Variants in CNNM4 observed in about 807,000 individuals in gnomAD.
The protein encoded by CNNM4 is cyclin and CBS domain divalent metal cation transport mediator 4, also known as metal transporter CNNM4.
In CNNM4, 32 loss-of-function variants were observed where a neutral mutation model predicts 53.7. That is an observed-to-expected ratio of 0.60 (90% confidence interval 0.45 to 0.80). CNNM4 has a LOEUF of 0.80. Ranked by LOEUF, CNNM4 falls within the 30% of genes least tolerant of loss-of-function variation. The probability of loss-of-function intolerance (pLI) is 0.00; values close to 1 mark genes in which losing one functional copy is unlikely to be tolerated. For missense variants in CNNM4, 784 were observed against 1,022.0 expected, an observed-to-expected ratio of 0.77 and a Z score of 3.17; for synonymous variants, 410 against 440.0, an observed-to-expected ratio of 0.93 and a Z score of 0.85.
chr2:96,787,493 ATC>A (rs1273547920), intron 1 of CNNM4, among the ~76,000 whole-genome samples: 3 of 152,104 alleles, frequency 2.0e-5, no homozygotes, highest in Non-Finnish European at 2.9e-5. Flanking sequence ...TCATTGAATA[ATC>A]TCTCTTTTCT....
Position 96,809,633 on chromosome 2 carries a change from C to A in CNNM4, c.*116C>A. On this transcript the variant is annotated 3_prime_UTR_variant, in exon 7 of 7. Coordinates refer to ENST00000377075, the MANE Select transcript of CNNM4 (RefSeq NM_020184.4). ...CGGATAGATAGCCTGTCTGACTGAA[C>A]AGCCAGATGGCCCCCAGCCTATGGG... 1.1e-6 allele frequency: 1 copy of A among 923,758 alleles called. No individual in the cohort carries two copies. Among genetic ancestry groups the A allele is most frequent in the Non-Finnish European group, 1.7e-6 (1 of 597,828 alleles). The allele number at this position is 923,758 out of a possible 1,614,324, so 57.2% of individuals were successfully genotyped here.
chr2:96,795,887 A>G (rs568633413), intron 1 of CNNM4, among the ~76,000 whole-genome samples: 2 of 152,208 alleles, frequency 1.3e-5, no homozygotes, highest in Non-Finnish European at 2.9e-5. Flanking sequence ...CTGGGGCCAT[A>G]AGAACAGGGT....
At position 96,799,598 on chromosome 2, in the gene CNNM4, C is replaced by T. The variant is rs765600437; in HGVS notation, c.1898C>T (p.Thr633Met). The T allele has an allele frequency of 1.5e-5, 23 of 1,554,686 alleles. No homozygotes were observed. Among genetic ancestry groups the T allele is most frequent in the East Asian group, 4.9e-5 (2 of 41,188 alleles). The change falls in exon 5 of 7, where the codon ACG becomes ATG. Residue 633 changes from threonine to methionine, a missense_variant. Thr to Met is a moderately conservative substitution (Grantham distance 81). This residue lies in a region of CNNM4 where 307 missense variants were observed against 376.3 expected (regional missense o/e 0.82). Coordinates refer to ENST00000377075, the MANE Select transcript of CNNM4 (RefSeq NM_020184.4). The part of the protein sequence containing the change: ...EAGKENMKFE[T>M]GAFSYYGTMA... ...GGGAAGGAGAACATGAAGTTTGAGA[C>T]GGGCGCCTTCTCCTACTATGGGACT... is the stretch of plus-strand genomic sequence containing the variant.
At chr2:96,791,183 T>A (rs937053108) in intron 1 of CNNM4, among the ~76,000 whole-genome samples, 1 of 151,496 alleles carries the variant, frequency 6.6e-6, no homozygotes, top group Non-Finnish European at 1.5e-5. Flanking sequence ...ATGCCTATAG[T>A]CCCAGCTACT....
chr2:96,806,088 C>A (rs371440719), intron 5 of CNNM4, among the ~76,000 whole-genome samples: 2 of 147,668 alleles, frequency 1.4e-5, no homozygotes, highest in African/African-American at 2.7e-5. Context: ...CTGACCCCCC[C>A]CAACCTCCCT....
chr2:96,779,021 A>G (rs890096199), intron 1 of CNNM4, among the ~76,000 whole-genome samples: 2 of 151,756 alleles, frequency 1.3e-5, no homozygotes, highest in African/African-American at 4.8e-5. Context: ...CAGTGGCGCG[A>G]TTTTGGCTCA....
intron 5 of CNNM4, among the ~76,000 whole-genome samples, chr2:96,802,876 G>A (rs945483789): frequency 2.0e-5 from 3 of 152,134 alleles, no homozygotes; most frequent in African/African-American, 7.2e-5. Flanking sequence ...TGGGATTCCC[G>A]TGTGCAACCA....
At chr2:96,786,118 T>A (rs1051982367) in intron 1 of CNNM4, among the ~76,000 whole-genome samples, 1 of 151,054 alleles carries the variant, frequency 6.6e-6, no homozygotes, top group Non-Finnish European at 1.5e-5. Context: ...AAAAATAATT[T>A]TTAAAAAGTA....
At position 96,797,057 on chromosome 2, in the gene CNNM4, A is replaced by G; in HGVS notation, c.1448A>G (p.Glu483Gly). The G allele has an allele frequency of 6.2e-7, 1 of 1,614,000 alleles. No homozygotes were observed. Among genetic ancestry groups the G allele is most frequent in the Non-Finnish European group, 8.5e-7 (1 of 1,180,004 alleles). The change falls in exon 2 of 7, where the codon GAG becomes GGG. Residue 483 changes from glutamate (E) to glycine (G), a missense_variant. Physicochemically the swap from Glu to Gly is moderately conservative, Grantham distance 98. Transcript: ENST00000377075. The surrounding 1 kb of genome is among the most constrained non-coding windows in gnomAD (Gnocchi z 6.0). ...GTGCAGAAGGTAAACAACGAGGGTGAGGGTGACCCCTTCTACGAGGTCCTG... is the reference window on the plus strand; with the variant it reads ...GTGCAGAAGGTAAACAACGAGGGTGGGGGTGACCCCTTCTACGAGGTCCTG... Reference protein sequence around the residue: ...AIVQKVNNEGEGDPFYEVLGL... With the variant: ...AIVQKVNNEGGGDPFYEVLGL...
intron 1 of CNNM4, among the ~76,000 whole-genome samples, chr2:96,764,883 A>G (rs2078799665): frequency 6.6e-6 from 1 of 151,756 alleles, no homozygotes; most frequent in Non-Finnish European, 1.5e-5. Context: ...GCTAGTCAGG[A>G]GGCTGAGGCA....
chr2:96,786,029 A>T (rs1295960664), intron 1 of CNNM4, among the ~76,000 whole-genome samples: 1 of 149,682 alleles, frequency 6.7e-6, no homozygotes, highest in African/African-American at 2.5e-5. Context: ...GGAGCTTGCA[A>T]TGAGCTGAGA....
In CNNM4 at chr2:96,809,560, C is replaced by T; in HGVS notation, c.*43C>T. ...CCCTGCCCACCCTGCGGGGGCCTCC[C>T]CAGTGGGCCCACATGAAGAGAGGGA... On this transcript the variant is annotated 3_prime_UTR_variant, in exon 7 of 7. Transcript: ENST00000377075. 1 of 1,540,252 alleles carries T rather than the reference C, an allele frequency of 6.5e-7. No individual in the cohort carries two copies. The highest frequency in any genetic ancestry group is 1.1e-5 in the South Asian group (1 of 89,388).
intron 5 of CNNM4, among the ~76,000 whole-genome samples, chr2:96,806,727 T>C (rs2079212151): frequency 6.6e-6 from 1 of 152,160 alleles, no homozygotes; most frequent in Admixed American, 6.5e-5. Flanking sequence ...ACAATTAACT[T>C]CTTTGTGCGT....
intron 5 of CNNM4, among the ~76,000 whole-genome samples, chr2:96,806,862 TATTCGAG>T (rs1452213357): frequency 6.6e-6 from 1 of 152,156 alleles, no homozygotes; most frequent in Non-Finnish European, 1.5e-5. Context: ...TTACAACTCT[TATTCGAG>T]ATTCGAGATT....
chr2:96,771,159 G>A (rs559812649), intron 1 of CNNM4, among the ~76,000 whole-genome samples: 7 of 152,190 alleles, frequency 4.6e-5, no homozygotes, highest in Non-Finnish European at 7.4e-5. Flanking sequence ...CCTGCGCCTC[G>A]CTTACCCCTC....
At chr2:96,767,913 A>G (rs755157114) in intron 1 of CNNM4, among the ~76,000 whole-genome samples, 26 of 152,178 alleles carry the variant, frequency 1.7e-4, no homozygotes, top group Non-Finnish European at 3.1e-4. Context: ...TTACTAAAAA[A>G]ATGCAAAAAT....
intron 1 of CNNM4, among the ~76,000 whole-genome samples, chr2:96,785,127 C>G (rs938717288): frequency 1.1e-4 from 17 of 152,112 alleles, no homozygotes; most frequent in Non-Finnish European, 2.1e-4. Flanking sequence ...ATCCTCCTGC[C>G]TCAGCCTCCC....
intron 5 of CNNM4, among the ~76,000 whole-genome samples, chr2:96,804,012 C>T (rs900719307): frequency 1.1e-4 from 16 of 151,954 alleles, no homozygotes; most frequent in Non-Finnish European, 1.9e-4. Flanking sequence ...GACCCTCCCA[C>T]CTCAGCCTCC....
chr2:96,761,666 G>A lies in CNNM4; in HGVS notation c.667G>A (p.Glu223Lys). 10 of 1,611,354 alleles carry A rather than the reference G, an allele frequency of 6.2e-6. No homozygotes were observed. Among genetic ancestry groups the A allele is most frequent in the African/African-American group, 1.3e-5 (1 of 75,036 alleles). Reference protein sequence around the residue: ...ELRIVQNCGTEKERRYARKIE... With the variant: ...ELRIVQNCGTKKERRYARKIE... Reference sequence around the variant, plus strand: ...GCGCATCGTGCAGAACTGTGGCACCGAGAAGGAGAGGCGCTATGCCCGCAA... The same window carrying A: ...GCGCATCGTGCAGAACTGTGGCACCAAGAAGGAGAGGCGCTATGCCCGCAA... The change falls in exon 1 of 7, where the codon GAG becomes AAG. Residue 223 changes from glutamate to lysine, a missense_variant. By Grantham distance (56) the Glu-to-Lys change is moderately conservative. This residue lies in a region of CNNM4 where 473 missense variants were observed against 624.6 expected (regional missense o/e 0.76). Coordinates refer to ENST00000377075, the MANE Select transcript of CNNM4 (RefSeq NM_020184.4). This position sits in a 1 kb window ranked among gnomAD's most constrained non-coding sequence, Gnocchi z 6.0.
Sources: gnomAD v4.1 joint callset for allele counts (sites outside exome capture counted in the v4.1 genomes callset) on GRCh38, gnomAD v4.1.1 for gene constraint, gnomAD v4.1.1 regional missense constraint, Gnocchi (gnomAD v3.1) non-coding constraint, MANE v1.5 for transcripts, NCBI Gene and HGNC (gene_info 2026-07-23, HGNC 2026-07-21) for gene names.